The following WDR62 variants were observed in gnomAD, a reference collection of about 807,000 sequenced individuals.
WDR62 encodes the protein WD repeat domain 62, also known as WD repeat-containing protein 62.
Under a neutral mutation model 160.6 loss-of-function variants are expected in WDR62, and 112 were observed. The observed-to-expected ratio is 0.70, with a 90% CI of 0.60 to 0.82. The LOEUF is 0.82. Ranked by LOEUF, WDR62 falls within the 40% of genes least tolerant of loss-of-function variation. WDR62 has a pLI of 0.00. For synonymous variants in WDR62, 792 were observed against 815.1 expected (o/e 0.97, Z 0.48); for missense variants, 1,819 against 1,983.8 (o/e 0.92, Z 1.58).
intron 8 of WDR62, among the ~76,000 whole-genome samples, chr19:36,072,162 G>A (rs1204085154): frequency 6.6e-6 from 1 of 152,224 alleles, no homozygotes; most frequent in African/African-American, 2.4e-5. Context: ...ACACGAAAAA[G>A]ATAATTTCAA....
intron 21 of WDR62, among the ~76,000 whole-genome samples, chr19:36,097,683 A>C (rs1270263013): frequency 6.6e-6 from 1 of 152,154 alleles, no homozygotes; most frequent in African/African-American, 2.4e-5. Context: ...CAGGAGTTCA[A>C]GACCAGCCTG....
chr19:36,101,853 C>G, intron 25 of WDR62, 79 bp downstream of exon 25: 1 of 1,497,960 alleles, frequency 6.7e-7, no homozygotes, highest in Non-Finnish European at 9.1e-7. Flanking sequence ...AGCACAGGCC[C>G]TGCACTTGGA....
At chr19:36,066,602 C>T (rs1970956203) in intron 5 of WDR62, among the ~76,000 whole-genome samples, 175 bp downstream of exon 5, 1 of 152,200 alleles carries the variant, frequency 6.6e-6, no homozygotes, top group Non-Finnish European at 1.5e-5. Flanking sequence ...AAGGCAGGCT[C>T]CCAGCTAGAA....
chr19:36,088,849 C>G (rs565569222), intron 13 of WDR62, among the ~76,000 whole-genome samples, 189 bp from the exon 14 acceptor site: 28 of 152,350 alleles, frequency 1.8e-4, no homozygotes, highest in Admixed American at 1.7e-3. Context: ...ACAGCTCCAC[C>G]TGTGCCCCCT....
intron 26 of WDR62, 112 bp from the exon 27 acceptor site, chr19:36,102,625 G>C (rs747485995): frequency 1.6e-5 from 14 of 867,294 alleles, no homozygotes; most frequent in Non-Finnish European, 2.4e-5. Flanking sequence ...CTCGTACCCT[G>C]TGTCTGTACA....
At chr19:36,056,340 C>T (rs1348312253) in intron 1 of WDR62, among the ~76,000 whole-genome samples, 1 of 152,194 alleles carries the variant, frequency 6.6e-6, no homozygotes, top group Non-Finnish European at 1.5e-5. Flanking sequence ...CTCCTGGCTA[C>T]AGGGCTCTGG....
intron 9 of WDR62, among the ~76,000 whole-genome samples, chr19:36,079,804 ACTCACTTGT>A (rs1343169474): frequency 6.6e-6 from 1 of 152,008 alleles, no homozygotes; most frequent in East Asian, 1.9e-4. Context: ...GGTTTGTCCC[ACTCACTTGT>A]ATTTTGGGGT....
At chr19:36,068,073 G>T (rs887590517) in intron 7 of WDR62, 63 bp downstream of exon 7, 54 of 1,554,942 alleles carry the variant, frequency 3.5e-5, no homozygotes, top group Non-Finnish European at 4.6e-5. Context: ...GTCTGCAGGG[G>T]TGCTCATCAG....
chr19:36,055,578 C>T (rs918769600), intron 1 of WDR62, among the ~76,000 whole-genome samples: 3 of 152,202 alleles, frequency 2.0e-5, no homozygotes, highest in Non-Finnish European at 4.4e-5. Context: ...CTCGCTTCTA[C>T]CCCGCCTTCT....
In WDR62 at chr19:36,101,683, C is replaced by A. The variant is rs77898819; in HGVS notation, c.2991C>A (p.Ala997=). The A allele has an allele frequency of 1.9e-6, 3 of 1,550,844 alleles. No individual in the cohort carries two copies. Among genetic ancestry groups the A allele is most frequent in the African/African-American group, 1.4e-5 (1 of 73,026 alleles). ...SPPEDSGESE[A]DLECSFAAIH... ...CTTCAGACTCGGGGGAGTCAGAGGC[C>A]GACCTGGAGTGCAGCTTCGCAGCCA... Residue 997 remains alanine, a synonymous_variant, in exon 25 of 32, where the codon GCC becomes GCA. Transcript: ENST00000401500.
Position 36,071,595 on chromosome 19 carries a change from A to C in WDR62, c.922A>C (p.Ile308Leu), listed in dbSNP as rs146229976. 6.2e-7 allele frequency: 1 copy of C among 1,614,100 alleles called. No homozygotes were observed. Among genetic ancestry groups the C allele is most frequent in the African/African-American group, 1.3e-5 (1 of 74,918 alleles). Residue 308 changes from isoleucine to leucine, a missense_variant, in exon 8 of 32, where the codon ATC (isoleucine) becomes CTC (leucine). Physicochemically the swap from Ile to Leu is conservative, Grantham distance 5. Around this residue, in one of 3 missense-constraint regions of WDR62, gnomAD observed 934 missense variants for 1,157.2 expected, o/e 0.81. Coordinates refer to ENST00000401500, the MANE Select transcript of WDR62 (RefSeq NM_001083961.2). ...SSCLCVSQELIFCGCTDGIVR... is the reference protein window; with the variant it reads ...SSCLCVSQELLFCGCTDGIVR... The stretch of plus-strand genomic sequence containing the variant: ...CTGCCTCTGTGTCAGCCAGGAGCTC[A>C]TCTTCTGTGGCTGCACAGATGGGAT...
chr19:36,089,692 C>T (rs925330838), intron 15 of WDR62, among the ~76,000 whole-genome samples: 1 of 152,242 alleles, frequency 6.6e-6, no homozygotes, highest in African/African-American at 2.4e-5. Context: ...ATATTGCCCA[C>T]CTCAGCCTCC....
chr19:36,089,380 C>T, intron 15 of WDR62, 74 bp downstream of exon 15: 1 of 1,610,800 alleles, frequency 6.2e-7, no homozygotes, highest in East Asian at 2.2e-5. Flanking sequence ...TCCCTCTGTT[C>T]CTCTGGTCCC....
chr19:36,103,841 G>A lies in WDR62; in HGVS notation c.4013G>A (p.Arg1338Lys). 1 of 1,604,796 alleles carries A rather than the reference G, an allele frequency of 6.2e-7. No individual in the cohort carries two copies. The highest frequency in any genetic ancestry group is 1.1e-5 in the South Asian group (1 of 91,060). Residue 1338 changes from arginine to lysine, a missense_variant, in exon 30 of 32, where the codon AGG becomes AAG. By Grantham distance (26) the Arg-to-Lys change is conservative. Coordinates refer to ENST00000401500, the MANE Select transcript of WDR62 (RefSeq NM_001083961.2). ...APSPVEESAL[R>K]LHGSAFRPSL... ...AGCCCTGTGGAAGAGAGCGCCCTGA[G>A]GCTCCACGGCTCTGCCTTTCGCCCA...
At chr19:36,103,258 C>T (rs754113711) in intron 29 of WDR62, 51 bp downstream of exon 29, 9 of 1,611,552 alleles carry the variant, frequency 5.6e-6, no homozygotes, top group South Asian at 3.3e-5. Context: ...GGCGAGTGGC[C>T]GGATGTCCAG....
rs1972442468 is a variant in WDR62, at chr19:36,089,219, A to C, written c.1871A>C (p.His624Pro). ...SDGLHFVRTH[H>P]VAEKTTLYDM... ...GGACTACACTTTGTCCGTACCCACC[A>C]CGTAGCAGAGAAAACCACCTTGTAT... The change falls in exon 15 of 32, where the codon CAC (histidine) becomes CCC (proline). Residue 624 changes from histidine (H) to proline (P), a missense_variant. His to Pro is a moderately conservative substitution (Grantham distance 77). Transcript: ENST00000401500. 6.2e-7 allele frequency: 1 copy of C among 1,614,120 alleles called. No individual in the cohort carries two copies. The highest frequency in any genetic ancestry group is 1.1e-5 in the South Asian group (1 of 91,088).
At chr19:36,070,683 T>A (rs1971249789) in intron 7 of WDR62, 1 of 152,234 alleles carries the variant, frequency 6.6e-6, no homozygotes, top group African/African-American at 2.4e-5. Context: ...AAACATCATT[T>A]TCTCTTTTTC....
At chr19:36,079,942 G>A (rs578055183) in intron 9 of WDR62, among the ~76,000 whole-genome samples, 3 of 151,934 alleles carry the variant, frequency 2.0e-5, no homozygotes, top group African/African-American at 7.3e-5. Flanking sequence ...AATTAATGCC[G>A]CTACTATCAT....
At chr19:36,101,945 CA>C in intron 25 of WDR62, 68 bp from the exon 26 acceptor site, 1 of 1,609,912 alleles carries the variant, frequency 6.2e-7, no homozygotes, top group African/African-American at 1.3e-5. Flanking sequence ...CCGCTTTCTC[CA>C]TTTCAGGTGG....
Sources: allele counts gnomAD v4.1 joint callset (sites outside exome capture counted in the v4.1 genomes callset), GRCh38; gene constraint gnomAD v4.1.1; regional missense constraint gnomAD v4.1.1; transcripts MANE v1.5; gene names NCBI Gene and HGNC (gene_info 2026-07-23, HGNC 2026-07-21).